The following OGDHL variants were observed in gnomAD, a reference collection of about 807,000 sequenced individuals.
The protein encoded by OGDHL is 2-oxoglutarate dehydrogenase-like, mitochondrial.
A neutral mutation model predicts 109.6 loss-of-function variants in OGDHL; 79 were observed. The ratio of observed to expected loss-of-function variants is 0.72; its 90% CI spans 0.60 to 0.87. The LOEUF (loss-of-function observed/expected upper bound fraction) is 0.87, where lower values mean the gene tolerates loss of function less well. OGDHL is among the 40% of genes least tolerant of loss of function. OGDHL has a pLI of 0.00. For synonymous variants in OGDHL, 528 were observed against 537.2 expected (o/e 0.98, Z 0.24); for missense variants, 1,275 against 1,362.2 (o/e 0.94, Z 1.01).
chr10:49,751,754 G>C, intron 6 of OGDHL, 73 bp downstream of exon 6: 1 of 1,546,042 alleles, frequency 6.5e-7, no homozygotes. Flanking sequence ...TGCTCTCTTA[G>C]GCAGGGTGTG....
chr10:49,753,778 T>A (rs1330579406), intron 3 of OGDHL, among the ~76,000 whole-genome samples: 2 of 151,112 alleles, frequency 1.3e-5, no homozygotes, highest in East Asian at 3.9e-4. Context: ...TAATCCCAGC[T>A]ACTTGGGAGG....
Position 49,751,954 on chromosome 10 carries a change from C to T in OGDHL, c.622G>A (p.Glu208Lys). The T allele has an allele frequency of 6.2e-7, 1 of 1,614,188 alleles. No homozygotes were observed. The highest frequency in any genetic ancestry group is 8.5e-7 in the Non-Finnish European group (1 of 1,180,038). The stretch of plus-strand genomic sequence containing the variant: ...TCCACATCGTTGATGAACATGAACT[C>T]CAGGCCAATGTGCTGGCAGTAGGTG... ...ENTYCQHIGL[E>K]FMFINDVEQC... The change falls in exon 6 of 23, where the codon GAG (glutamate) becomes AAG (lysine). Residue 208 changes from glutamate (E) to lysine (K), a missense_variant. Transcript: ENST00000374103.
chr10:49,755,721 C>T (rs1187050140), intron 3 of OGDHL, among the ~76,000 whole-genome samples: 1 of 152,132 alleles, frequency 6.6e-6, no homozygotes, highest in Non-Finnish European at 1.5e-5. Context: ...CTCTCTAATG[C>T]CTCGTCTTGG....
At position 49,744,052 on chromosome 10, in the gene OGDHL, G is replaced by T; in HGVS notation, c.1803C>A (p.Leu601=). ...AGCTGGCCACACTGCCGATGTGGGT[G>T]AGCATGTCCTCAGGGATCCCCGTGG... is the stretch of plus-strand genomic sequence containing the variant. ...CPATGIPEDM[L]THIGSVASSV... The change falls in exon 14 of 23, where the codon CTC becomes CTA. Residue 601 remains leucine (L), a synonymous_variant. Coordinates refer to ENST00000374103, the MANE Select transcript of OGDHL (RefSeq NM_018245.3). The T allele has an allele frequency of 6.2e-7, 1 of 1,614,166 alleles. No individual in the cohort carries two copies. Among genetic ancestry groups the T allele is most frequent in the Non-Finnish European group, 8.5e-7 (1 of 1,180,002 alleles).
rs772379945 is a variant in OGDHL at position 49,736,341 on chromosome 10, A to G, written c.2754+16T>C. 1 of 1,613,996 alleles carries G rather than the reference A, an allele frequency of 6.2e-7. No homozygotes were observed. The highest frequency in any genetic ancestry group is 1.1e-5 in the South Asian group (1 of 91,062). On this transcript the variant is annotated intron_variant, in intron 21 of 22. Coordinates refer to ENST00000374103, the MANE Select transcript of OGDHL (RefSeq NM_018245.3). ...AGCTTGCCCATCACTTGACTGTACA[A>G]GGGGTTCAGGCACACCTGCTCCAGG...
intron 8 of OGDHL, among the ~76,000 whole-genome samples, chr10:49,748,041 T>C (rs1178377547): frequency 6.9e-6 from 1 of 144,214 alleles, no homozygotes; most frequent in Non-Finnish European, 1.6e-5. Flanking sequence ...GTGGGGGCTC[T>C]GGCACCATCA....
chr10:49,752,043 G>C, intron 5 of OGDHL, 62 bp from the exon 6 acceptor site: 2 of 1,609,684 alleles, frequency 1.2e-6, no homozygotes, highest in East Asian at 2.2e-5. Context: ...CATCCCTGCT[G>C]TCTAGAACAA....
At position 49,739,824 on chromosome 10, in the gene OGDHL, T is replaced by C. The variant is rs769142679; in HGVS notation, c.2156A>G (p.Tyr719Cys). ...CAGGGCATTGGGGCTGGCCATGGCATAGCCCAGCTCAAAGCCTAAACAGAA... is the reference window on the plus strand; with the variant it reads ...CAGGGCATTGGGGCTGGCCATGGCACAGCCCAGCTCAAAGCCTAAACAGAA... ...EYGVLGFELG[Y>C]AMASPNALVL... The change falls in exon 17 of 23, where the codon TAT becomes TGT. Residue 719 changes from tyrosine (Y) to cysteine (C), a missense_variant. Coordinates refer to ENST00000374103, the MANE Select transcript of OGDHL (RefSeq NM_018245.3). 3 of 1,613,890 alleles carry C rather than the reference T, an allele frequency of 1.9e-6. No individual in the cohort carries two copies. The highest frequency in any genetic ancestry group is 1.1e-5 in the South Asian group (1 of 91,024).
chr10:49,738,669 G>GA (rs1841403395), intron 17 of OGDHL: 1 of 227,570 alleles, frequency 4.4e-6, no homozygotes, highest in Admixed American at 5.1e-5. Context: ...CTGCACAGAT[G>GA]AAGAGGCAAG....
intron 12 of OGDHL, 51 bp downstream of exon 12, chr10:49,745,293 G>T: frequency 1.9e-6 from 3 of 1,602,188 alleles, no homozygotes; most frequent in Non-Finnish European, 1.7e-6. Context: ...CCCCTCTCCA[G>T]GGTCCCCACC....
chr10:49,742,101 T>A (rs1472145132), intron 15 of OGDHL, among the ~76,000 whole-genome samples: 1 of 64,950 alleles, frequency 1.5e-5, no homozygotes, highest in African/African-American at 6.3e-5. Flanking sequence ...ACAAACACCC[T>A]CACACACATT....
rs1388223328 is a variant in OGDHL at position 49,745,330 on chromosome 10, G to A, written c.1629+14C>T. 6.2e-7 allele frequency: 1 copy of A among 1,612,618 alleles called. No individual in the cohort carries two copies. ...AAAGTTTGTCTTGGGCGCCCCTGCA[G>A]CCTGCCTGCCCACCTCAAACTCCTG... On this transcript the variant is annotated intron_variant, in intron 12 of 22. Transcript: ENST00000374103.
chr10:49,753,615 G>A (rs1333545230), intron 3 of OGDHL, among the ~76,000 whole-genome samples: 1 of 152,156 alleles, frequency 6.6e-6, no homozygotes, highest in Non-Finnish European at 1.5e-5. Flanking sequence ...TGCTGGCTGG[G>A]CACAGTGGCT....
At chr10:49,744,957 C>A (rs1156819383) in intron 12 of OGDHL, among the ~76,000 whole-genome samples, 1 of 152,220 alleles carries the variant, frequency 6.6e-6, no homozygotes, top group African/African-American at 2.4e-5. Context: ...GGCAGGCCTG[C>A]AGTGCGCTCA....
At chr10:49,751,553 C>T (rs1842590290) in intron 6 of OGDHL, among the ~76,000 whole-genome samples, 1 of 152,240 alleles carries the variant, frequency 6.6e-6, no homozygotes, top group Non-Finnish European at 1.5e-5. Context: ...GTTCCCACAG[C>T]CACTTCCCGC....
intron 3 of OGDHL, among the ~76,000 whole-genome samples, chr10:49,755,588 T>G (rs1273723257): frequency 1.3e-5 from 2 of 152,096 alleles, no homozygotes; most frequent in East Asian, 3.9e-4. Context: ...GTGCAGGTGA[T>G]TCTAACCACA....
intron 15 of OGDHL, among the ~76,000 whole-genome samples, chr10:49,741,451 G>C (rs1409078503): frequency 6.6e-6 from 1 of 152,104 alleles, no homozygotes; most frequent in Non-Finnish European, 1.5e-5. Context: ...AAGCCAGCTG[G>C]TCAAGTCCTG....
intron 14 of OGDHL, 45 bp downstream of exon 14, chr10:49,743,949 G>A (rs1233596562): frequency 1.9e-6 from 3 of 1,596,928 alleles, no homozygotes; most frequent in Non-Finnish European, 2.6e-6. Context: ...CACAGTGTTG[G>A]GGTGGGGCCA....
Position 49,758,548 on chromosome 10 carries a change from A to G in OGDHL, c.45T>C (p.Ala15=). The G allele has an allele frequency of 1.2e-6, 2 of 1,613,924 alleles. No homozygotes were observed. Among genetic ancestry groups the G allele is most frequent in the Admixed American group, 3.3e-5 (2 of 60,030 alleles). ...RLLPSRLGVQ[A]ARLLAAHDVP... Reference sequence around the variant, plus strand: ...CGTCATGTGCAGCCAGGAGCCTCGCAGCCTGTACCCCAAGACGGGACGGCA... The same window carrying G: ...CGTCATGTGCAGCCAGGAGCCTCGCGGCCTGTACCCCAAGACGGGACGGCA... Residue 15 remains alanine (A), a synonymous_variant, in exon 2 of 23, where the codon GCT becomes GCC. Transcript: ENST00000374103.
Sources: gnomAD v4.1 joint callset for allele counts (sites outside exome capture counted in the v4.1 genomes callset) on GRCh38, gnomAD v4.1.1 for gene constraint, MANE v1.5 for transcripts, NCBI Gene and HGNC (gene_info 2026-07-23, HGNC 2026-07-21) for gene names.